Variants in ATP8A2 observed in about 807,000 individuals in gnomAD.
ATP8A2 encodes ATPase phospholipid transporting 8A2, also known as phospholipid-transporting ATPase IB.
In ATP8A2, 100 loss-of-function variants were observed where a neutral mutation model predicts 165.6. That is an observed-to-expected ratio of 0.60 (90% CI 0.51 to 0.71). ATP8A2 has a LOEUF of 0.71. Ranked by LOEUF, ATP8A2 falls within the 30% of genes least tolerant of loss-of-function variation. The pLI is 0.00. For missense variants in ATP8A2, 1,227 were observed against 1,479.5 expected, an observed-to-expected ratio of 0.83 and a Z score of 2.80; for synonymous variants, 543 against 548.8, an observed-to-expected ratio of 0.99 and a Z score of 0.15.
intron 33 of ATP8A2, among the ~76,000 whole-genome samples, chr13:25,928,314 C>T (rs765572809): frequency 4.6e-5 from 7 of 152,188 alleles, no homozygotes; most frequent in Non-Finnish European, 1.0e-4. Flanking sequence ...ATTTCTGTCA[C>T]GAAGAATATA....
At chr13:25,897,720 G>A (rs1474041229) in intron 33 of ATP8A2, among the ~76,000 whole-genome samples, 5 of 152,164 alleles carry the variant, frequency 3.3e-5, no homozygotes, top group South Asian at 4.1e-4. Flanking sequence ...ATTTCTTGGA[G>A]GCTTTGTTCG....
chr13:25,407,130 A>G (rs1387719887), intron 1 of ATP8A2, among the ~76,000 whole-genome samples: 2 of 152,220 alleles, frequency 1.3e-5, no homozygotes, highest in Admixed American at 1.3e-4. Flanking sequence ...CTCAGTGTCC[A>G]CCCAAGGTTT....
intron 25 of ATP8A2, among the ~76,000 whole-genome samples, chr13:25,763,399 A>G (rs895574060): frequency 2.6e-5 from 4 of 152,140 alleles, no homozygotes; most frequent in African/African-American, 9.7e-5. Flanking sequence ...CCTCAGTTAC[A>G]GCTCCTCGCC....
intron 33 of ATP8A2, among the ~76,000 whole-genome samples, chr13:25,926,104 A>G (rs963804128): frequency 6.6e-6 from 1 of 152,090 alleles, no homozygotes; most frequent in Non-Finnish European, 1.5e-5. Flanking sequence ...TGCTGTTTAA[A>G]CCCTTCAATA....
At chr13:25,528,999 C>T (rs1204232567) in intron 2 of ATP8A2, among the ~76,000 whole-genome samples, 1 of 152,064 alleles carries the variant, frequency 6.6e-6, no homozygotes, top group African/African-American at 2.4e-5. Flanking sequence ...ACAATAGGCC[C>T]CAGTGTGTGA....
intron 6 of ATP8A2, among the ~76,000 whole-genome samples, chr13:25,537,173 A>G (rs2038313076): frequency 1.3e-5 from 2 of 152,110 alleles, no homozygotes; most frequent in African/African-American, 2.4e-5. Context: ...CTGTTCCCCA[A>G]GGTGGTCTCT....
intron 33 of ATP8A2, among the ~76,000 whole-genome samples, chr13:25,957,656 C>T (rs960715189): frequency 2.0e-5 from 3 of 152,166 alleles, no homozygotes; most frequent in African/African-American, 7.2e-5. Flanking sequence ...AACGCTTTTA[C>T]ACTGTTGGTG....
At chr13:25,957,105 T>G (rs1319602015) in intron 33 of ATP8A2, among the ~76,000 whole-genome samples, 1 of 152,164 alleles carries the variant, frequency 6.6e-6, no homozygotes, top group African/African-American at 2.4e-5. Flanking sequence ...CCTCACACCT[T>G]ATACAAAAAA....
At chr13:25,990,737 C>G (rs1324737791) in intron 35 of ATP8A2, among the ~76,000 whole-genome samples, 1 of 152,212 alleles carries the variant, frequency 6.6e-6, no homozygotes, top group Non-Finnish European at 1.5e-5. Flanking sequence ...TTGTGATTAA[C>G]TTAGAGCTTC....
chr13:25,512,891 G>A (rs1212155866), intron 2 of ATP8A2, among the ~76,000 whole-genome samples: 3 of 144,730 alleles, frequency 2.1e-5, no homozygotes, highest in Non-Finnish European at 4.6e-5. Context: ...CCCGGACGGG[G>A]TGGCTGGCCA....
chr13:25,418,041 A>G (rs2034184361), intron 1 of ATP8A2, among the ~76,000 whole-genome samples: 1 of 152,144 alleles, frequency 6.6e-6, no homozygotes, highest in African/African-American at 2.4e-5. Flanking sequence ...TATGTCCAAT[A>G]AACTCTCATT....
At chr13:25,869,436 C>T (rs902854458) in intron 33 of ATP8A2, among the ~76,000 whole-genome samples, 20 of 152,270 alleles carry the variant, frequency 1.3e-4, no homozygotes, top group South Asian at 4.1e-4. Flanking sequence ...GACCCGAATC[C>T]GATTTCTTTC....
intron 33 of ATP8A2, among the ~76,000 whole-genome samples, chr13:25,943,100 C>T (rs1199929505): frequency 6.6e-6 from 1 of 152,076 alleles, no homozygotes; most frequent in Non-Finnish European, 1.5e-5. Context: ...CGAGAGCATG[C>T]GCCTCCAGGG....
intron 1 of ATP8A2, among the ~76,000 whole-genome samples, chr13:25,454,171 C>G (rs1195847296): frequency 6.6e-6 from 1 of 152,160 alleles, no homozygotes; most frequent in Non-Finnish European, 1.5e-5. Context: ...TTGCGTTTGG[C>G]TCCCTGTGTT....
chr13:25,892,468 C>G (rs1031117629), intron 33 of ATP8A2, among the ~76,000 whole-genome samples: 11 of 147,808 alleles, frequency 7.4e-5, no homozygotes, highest in African/African-American at 1.0e-4. Flanking sequence ...CTCTCTCTCT[C>G]TGTCTCTCTG....
At chr13:25,807,822 G>A (rs1031684820) in intron 27 of ATP8A2, among the ~76,000 whole-genome samples, 1 of 152,048 alleles carries the variant, frequency 6.6e-6, no homozygotes, top group African/African-American at 2.4e-5. Flanking sequence ...ACACTGCAAA[G>A]CACAATAACC....
At chr13:25,934,017 A>C (rs1376393455) in intron 33 of ATP8A2, among the ~76,000 whole-genome samples, 2 of 152,200 alleles carry the variant, frequency 1.3e-5, no homozygotes, top group African/African-American at 4.8e-5. Flanking sequence ...GCTTGTAGCT[A>C]ACCAGCTCCA....
At chr13:25,758,342 C>T (rs1468429719) in intron 25 of ATP8A2, among the ~76,000 whole-genome samples, 1 of 152,082 alleles carries the variant, frequency 6.6e-6, no homozygotes, top group African/African-American at 2.4e-5. Context: ...TTGTTTATTA[C>T]CTATTGTGTA....
At chr13:25,479,734 C>T (rs34152313) in intron 2 of ATP8A2, among the ~76,000 whole-genome samples, 41,449 of 151,712 alleles carry the variant, frequency 0.27, 6,759 homozygotes, top group Middle Eastern at 0.4. Flanking sequence ...TAACAAAGCA[C>T]ATCTTGCACT....
Sources: allele counts gnomAD v4.1 joint callset (sites outside exome capture counted in the v4.1 genomes callset), GRCh38; gene constraint gnomAD v4.1.1; transcripts MANE v1.5; gene names NCBI Gene and HGNC (gene_info 2026-07-23, HGNC 2026-07-21).